Variants in EPHA4 observed in about 807,000 individuals in gnomAD.
EPHA4 encodes the protein ephrin type-A receptor 4.
In EPHA4, 19 loss-of-function variants were observed where a neutral mutation model predicts 108.3. The observed-to-expected ratio is 0.18, with a 90% CI of 0.12 to 0.26. The LOEUF is 0.26. Ranked by LOEUF, EPHA4 falls within the 10% of genes least tolerant of loss-of-function variation. The pLI is 1.00. For synonymous variants in EPHA4, 449 were observed against 455.5 expected, an observed-to-expected ratio of 0.99 and a Z score of 0.18; for missense variants, 917 against 1,254.0, an observed-to-expected ratio of 0.73 and a Z score of 4.06.
At chr2:221,484,470 C>G (rs1399977467) in intron 4 of EPHA4, among the ~76,000 whole-genome samples, 1 of 152,068 alleles carries the variant, frequency 6.6e-6, no homozygotes, top group East Asian at 1.9e-4. Flanking sequence ...AAAATGCAAA[C>G]CTTTAAAACA....
At chr2:221,427,923 C>CAAAT (rs1168788988) in intron 15 of EPHA4, among the ~76,000 whole-genome samples, 1 of 151,792 alleles carries the variant, frequency 6.6e-6, no homozygotes, top group African/African-American at 2.4e-5. Flanking sequence ...GTTTTGTGTC[C>CAAAT]AAATAATACC....
intron 5 of EPHA4, among the ~76,000 whole-genome samples, chr2:221,474,388 C>T (rs55943516): frequency 0.025 from 3,783 of 148,390 alleles, 150 homozygotes; most frequent in African/African-American, 0.089. Context: ...TGAAATTCTT[C>T]TCAGTATAAG....
At chr2:221,430,818 A>C (rs1690052267) in intron 14 of EPHA4, among the ~76,000 whole-genome samples, 1 of 152,228 alleles carries the variant, frequency 6.6e-6, no homozygotes, top group Non-Finnish European at 1.5e-5. Context: ...ACAATTAAAA[A>C]AATTCCTTCT....
At chr2:221,479,461 G>T (rs1691754933) in intron 5 of EPHA4, among the ~76,000 whole-genome samples, 1 of 152,212 alleles carries the variant, frequency 6.6e-6, no homozygotes, top group African/African-American at 2.4e-5. Context: ...TAGCCTCCAG[G>T]TGCTAAATGC....
intron 3 of EPHA4, among the ~76,000 whole-genome samples, chr2:221,533,721 G>A (rs1192176990): frequency 1.1e-5 from 1 of 88,794 alleles, no homozygotes; most frequent in Non-Finnish European, 2.0e-5. Flanking sequence ...TTTGTGACTA[G>A]TGTCAAAAAA....
At chr2:221,459,538 C>A (rs932665517) in intron 5 of EPHA4, among the ~76,000 whole-genome samples, 1 of 151,696 alleles carries the variant, frequency 6.6e-6, no homozygotes, top group Non-Finnish European at 1.5e-5. Context: ...TTCATTAAGG[C>A]CCCCTTCTCC....
At chr2:221,432,901 T>C (rs774876574) in intron 14 of EPHA4, among the ~76,000 whole-genome samples, 3 of 145,624 alleles carry the variant, frequency 2.1e-5, no homozygotes, top group African/African-American at 7.7e-5. Context: ...CTCTGCTCAC[T>C]GCAATCTCTG....
chr2:221,477,187 AG>A (rs1691679812), intron 5 of EPHA4, among the ~76,000 whole-genome samples: 1 of 152,152 alleles, frequency 6.6e-6, no homozygotes, highest in Admixed American at 6.5e-5. Flanking sequence ...GGGCCTTGAA[AG>A]GCCCTTTACA....
chr2:221,529,642 C>A (rs1358576253), intron 3 of EPHA4, among the ~76,000 whole-genome samples: 1 of 152,134 alleles, frequency 6.6e-6, no homozygotes, highest in Non-Finnish European at 1.5e-5. Flanking sequence ...GTTATCTTTA[C>A]GCCTGGACTT....
chr2:221,530,590 T>A (rs1314012936), intron 3 of EPHA4, among the ~76,000 whole-genome samples: 6 of 152,204 alleles, frequency 3.9e-5, no homozygotes, highest in African/African-American at 1.4e-4. Context: ...CCCATGGACC[T>A]CCTGGACATC....
At chr2:221,564,474 G>T (rs918731990) in intron 2 of EPHA4, 80 bp from the exon 3 acceptor site, 1 of 1,388,536 alleles carries the variant, frequency 7.2e-7, no homozygotes, top group African/African-American at 1.4e-5. Context: ...ATTCTCATAG[G>T]ACACCTGATT....
chr2:221,539,263 CATTTT>C (rs796781746), intron 3 of EPHA4, among the ~76,000 whole-genome samples: 22 of 152,282 alleles, frequency 1.4e-4, no homozygotes, highest in African/African-American at 4.8e-4. Flanking sequence ...TTACTACTTG[CATTTT>C]ATATATGAGA....
chr2:221,436,545 T>C lies in EPHA4; in HGVS notation c.2200A>G (p.Met734Val), dbSNP rs761654406. The change falls in exon 13 of 18, where the codon ATG (methionine) becomes GTG (valine). Residue 734 changes from methionine to valine, a missense_variant. This residue lies in a region of EPHA4 where 758 missense variants were observed against 1,076.7 expected (regional missense o/e 0.70). Transcript: ENST00000281821. ...VGMLRGIGSG[M>V]KYLSDMSYVH... ...TAGCTCATATCAGATAAATACTTCA[T>C]CCCAGACCCAATGCCACGAAGCATG... 31 of 1,613,980 alleles carry C rather than the reference T, an allele frequency of 1.9e-5. No individual in the cohort carries two copies. In the Admixed American group the frequency reaches 2.7e-4, roughly 14 times the overall value.
chr2:221,446,590 C>T (rs966569544), intron 8 of EPHA4, among the ~76,000 whole-genome samples: 1 of 151,628 alleles, frequency 6.6e-6, no homozygotes, highest in Non-Finnish European at 1.5e-5. Context: ...ATTAAATTTC[C>T]ATGAGTAATT....
chr2:221,555,941 TC>T (rs560034099), intron 3 of EPHA4, among the ~76,000 whole-genome samples: 437 of 152,356 alleles, frequency 2.9e-3, no homozygotes, highest in Non-Finnish European at 3.9e-3. Flanking sequence ...GGGCTTGATT[TC>T]ATTTTCATTT....
intron 3 of EPHA4, among the ~76,000 whole-genome samples, chr2:221,531,812 C>A (rs974992484): frequency 3.9e-5 from 6 of 152,090 alleles, no homozygotes; most frequent in Non-Finnish European, 7.4e-5. Flanking sequence ...TTATTCAAAT[C>A]TAAATAGAAT....
intron 4 of EPHA4, among the ~76,000 whole-genome samples, chr2:221,488,622 A>T (rs141566942): frequency 5.3e-5 from 8 of 152,346 alleles, no homozygotes; most frequent in African/African-American, 1.9e-4. Context: ...GTCACCTCAC[A>T]TTCAGTTGAC....
Position 221,482,391 on chromosome 2 carries a change from C to T in EPHA4, c.1279G>A (p.Asp427Asn), listed in dbSNP as rs764751712. The T allele has an allele frequency of 3.5e-5, 57 of 1,611,594 alleles. No homozygotes were observed. In the Admixed American group the frequency reaches 7.5e-4, roughly 21 times the overall value. Residue 427 changes from aspartate (D) to asparagine (N), a missense_variant, in exon 5 of 18, where the codon GAC becomes AAC. Transcript: ENST00000281821. ...GTCACAGTGACAGAAACTGATTGGT[C>T]TGGGTTAGGGTTATATTTGGACACT... is the stretch of plus-strand genomic sequence containing the variant. ...NGVSKYNPNPDQSVSVTVTTN... is the reference protein window; with the variant it reads ...NGVSKYNPNPNQSVSVTVTTN...
chr2:221,461,252 T>C (rs1189683838), intron 5 of EPHA4, among the ~76,000 whole-genome samples: 3 of 152,254 alleles, frequency 2.0e-5, no homozygotes, highest in African/African-American at 4.8e-5. Context: ...AAATCATCTC[T>C]GATGCCACCA....
Sources: gnomAD v4.1 joint callset for allele counts (sites outside exome capture counted in the v4.1 genomes callset) on GRCh38, gnomAD v4.1.1 for gene constraint, gnomAD v4.1.1 regional missense constraint, MANE v1.5 for transcripts, NCBI Gene and HGNC (gene_info 2026-07-23, HGNC 2026-07-21) for gene names.